Variants in MAMDC2 observed in about 807,000 individuals in gnomAD.
The protein encoded by MAMDC2 is MAM domain containing 2, also known as MAM domain-containing protein 2.
A neutral mutation model predicts 89.8 loss-of-function variants in MAMDC2; 57 were observed. The ratio of observed to expected loss-of-function variants is 0.63; its 90% CI spans 0.51 to 0.79. MAMDC2 has a LOEUF of 0.79. Among genes scored for constraint, MAMDC2 ranks in the 30% least tolerant of loss-of-function variants. MAMDC2 has a pLI of 0.00. For missense variants in MAMDC2, 800 were observed against 820.6 expected (o/e 0.97, Z 0.31); for synonymous variants, 313 against 293.4 (o/e 1.07, Z -0.68).
At chr9:70,058,814 T>C (rs1206874318) in intron 2 of MAMDC2, among the ~76,000 whole-genome samples, 5 of 152,186 alleles carry the variant, frequency 3.3e-5, no homozygotes, top group East Asian at 3.8e-4. Flanking sequence ...ACAGGGAGAA[T>C]TGAATTCGTA....
intron 10 of MAMDC2, among the ~76,000 whole-genome samples, chr9:70,169,424 C>T (rs2118528219): frequency 6.6e-6 from 1 of 152,276 alleles, no homozygotes; most frequent in South Asian, 2.1e-4. Context: ...TTCTTTGACA[C>T]ACAGGCAAAT....
chr9:70,144,582 A>G (rs1327751982), intron 9 of MAMDC2, among the ~76,000 whole-genome samples: 1 of 152,246 alleles, frequency 6.6e-6, no homozygotes, highest in Non-Finnish European at 1.5e-5. Flanking sequence ...TCTCTTGAGT[A>G]TCCTGTCGTG....
rs751533996 is a variant in MAMDC2 at position 70,126,826 on chromosome 9, GT to G, written c.900+427del. On this transcript the variant is annotated intron_variant, in intron 6 of 13. Coordinates refer to ENST00000377182, the MANE Select transcript of MAMDC2 (RefSeq NM_153267.5). Reference sequence around the variant, plus strand: ...AAGGTTTTCCTTACTTGAGTGAACTGTTTTTTTTTTTTTTTTAGAAAAAGTG... The same window carrying G: ...AAGGTTTTCCTTACTTGAGTGAACTGTTTTTTTTTTTTTTTAGAAAAAGTG... 7.0e-3 allele frequency among the ~76,000 whole-genome samples: 876 copies of G among 124,402 alleles called. 1 individual carries two copies. Among genetic ancestry groups the G allele is most frequent in the African/African-American group, 8.7e-3 (296 of 33,976 alleles). The allele number at this position is 124,402 out of a possible 152,430, so 81.6% of individuals were successfully genotyped here. A position where few individuals can be genotyped will look rare whatever the true frequency, so the allele number is the denominator to read the frequency against.
At chr9:70,056,712 G>C (rs544290615) in intron 2 of MAMDC2, among the ~76,000 whole-genome samples, 4 of 152,248 alleles carry the variant, frequency 2.6e-5, no homozygotes, top group Admixed American at 6.5e-5. Context: ...CGGTCTACTA[G>C]AAGCCCAGCC....
intron 11 of MAMDC2, among the ~76,000 whole-genome samples, chr9:70,187,100 A>ATTTC (rs1230043522): frequency 1.6e-4 from 25 of 152,028 alleles, no homozygotes; most frequent in Non-Finnish European, 3.4e-4. Context: ...GTTTCATTAA[A>ATTTC]TTTCTTTAAT....
At chr9:70,164,500 C>T (rs1056799268) in intron 9 of MAMDC2, among the ~76,000 whole-genome samples, 1 of 152,172 alleles carries the variant, frequency 6.6e-6, no homozygotes, top group African/African-American at 2.4e-5. Context: ...TTATCAGAAC[C>T]TAAGGACTGG....
At chr9:70,094,547 A>C (rs1827981563) in intron 2 of MAMDC2, among the ~76,000 whole-genome samples, 1 of 152,236 alleles carries the variant, frequency 6.6e-6, no homozygotes, top group African/African-American at 2.4e-5. Flanking sequence ...TTCTCATTAA[A>C]TATTATATTT....
chr9:70,141,790 T>C (rs1392475803), intron 8 of MAMDC2, among the ~76,000 whole-genome samples: 3 of 151,966 alleles, frequency 2.0e-5, no homozygotes, highest in African/African-American at 7.3e-5. Context: ...GGGCAGTAAA[T>C]TGTGGGAAAG....
intron 11 of MAMDC2, 103 bp downstream of exon 11, chr9:70,170,734 C>A: frequency 1.8e-6 from 2 of 1,115,094 alleles, no homozygotes; most frequent in East Asian, 2.6e-5. Flanking sequence ...TGTCTTGTGT[C>A]TATAATGAAA....
intron 11 of MAMDC2, among the ~76,000 whole-genome samples, chr9:70,191,182 T>G (rs1587556670): frequency 6.6e-6 from 1 of 152,140 alleles, no homozygotes; most frequent in Non-Finnish European, 1.5e-5. Context: ...AGCCTTTGAT[T>G]AATTCCCAGA....
intron 2 of MAMDC2, among the ~76,000 whole-genome samples, chr9:70,098,119 T>C (rs1328382716): frequency 1.3e-5 from 2 of 152,226 alleles, no homozygotes; most frequent in African/African-American, 4.8e-5. Context: ...TCATGACATG[T>C]ACACATTGCA....
intron 11 of MAMDC2, among the ~76,000 whole-genome samples, chr9:70,209,436 C>T (rs2033302836): frequency 6.6e-6 from 1 of 152,124 alleles, no homozygotes; most frequent in Admixed American, 6.5e-5. Context: ...TTATAGTATT[C>T]TCTGATGGTA....
At chr9:70,056,242 T>C (rs145053309) in intron 2 of MAMDC2, among the ~76,000 whole-genome samples, 57 of 152,354 alleles carry the variant, frequency 3.7e-4, no homozygotes, top group African/African-American at 1.3e-3. Context: ...CTTCTATTTC[T>C]TTGACTTTAT....
At chr9:70,222,911 G>C (rs1188335969) in intron 12 of MAMDC2, among the ~76,000 whole-genome samples, 1 of 152,088 alleles carries the variant, frequency 6.6e-6, no homozygotes, top group East Asian at 1.9e-4. Flanking sequence ...GGCTGAAGTA[G>C]GGGGATTTCT....
At chr9:70,112,756 G>A (rs2118277042) in intron 4 of MAMDC2, among the ~76,000 whole-genome samples, 1 of 152,270 alleles carries the variant, frequency 6.6e-6, no homozygotes, top group East Asian at 1.9e-4. Context: ...TGCTCCAAGT[G>A]ACATGGCTAA....
chr9:70,044,809 AGT>A, intron 2 of MAMDC2, 112 bp downstream of exon 2: 1 of 833,510 alleles, frequency 1.2e-6, no homozygotes, highest in Non-Finnish European at 1.9e-6. Flanking sequence ...CGGCAAGAAA[AGT>A]GTGAGTCATG....
chr9:70,150,539 C>T (rs564912251), intron 9 of MAMDC2, among the ~76,000 whole-genome samples: 59 of 152,316 alleles, frequency 3.9e-4, no homozygotes, highest in African/African-American at 1.3e-3. Flanking sequence ...TATCAAGTAC[C>T]TACTTTGTGC....
intron 2 of MAMDC2, among the ~76,000 whole-genome samples, chr9:70,107,219 G>C (rs1475859602): frequency 6.6e-6 from 1 of 152,120 alleles, no homozygotes; most frequent in Non-Finnish European, 1.5e-5. Flanking sequence ...AGGTGGGTTT[G>C]GAAGGCTCGA....
In MAMDC2 at chr9:70,051,996, TA is replaced by T. The variant is rs201607881; in HGVS notation, c.148+7308del. 1.3e-3 allele frequency among the ~76,000 whole-genome samples: 191 copies of T among 151,928 alleles called. 2 individuals carry two copies. Among genetic ancestry groups the T allele is most frequent in the African/African-American group, 3.8e-3 (159 of 41,438 alleles). ...AGCCCTGGCTGGAAATTAAAACAGGTAAAAAAAAATTTTTTTAAAGCTATAT... is the reference window on the plus strand; with the variant it reads ...AGCCCTGGCTGGAAATTAAAACAGGTAAAAAAAATTTTTTTAAAGCTATAT... On this transcript the variant is annotated intron_variant, in intron 2 of 13. Transcript: ENST00000377182.
Sources: gnomAD v4.1 joint callset for allele counts (sites outside exome capture counted in the v4.1 genomes callset) on GRCh38, gnomAD v4.1.1 for gene constraint, MANE v1.5 for transcripts, NCBI Gene and HGNC (gene_info 2026-07-23, HGNC 2026-07-21) for gene names.